The following NBEA variants were observed in gnomAD, a reference collection of about 807,000 sequenced individuals.
NBEA encodes the protein lysosomal-trafficking regulator 2.
Under a neutral mutation model 343.4 loss-of-function variants are expected in NBEA, and 44 were observed. That is an observed-to-expected ratio of 0.13 (90% CI 0.10 to 0.16). The LOEUF (loss-of-function observed/expected upper bound fraction) is 0.16, where lower values mean the gene tolerates loss of function less well. NBEA is among the 10% of genes least tolerant of loss of function. NBEA has a pLI of 1.00. For synonymous variants in NBEA, 1,175 were observed against 1,238.7 expected (o/e 0.95, Z 1.08); for missense variants, 2,555 against 3,631.3 (o/e 0.70, Z 7.62).
At chr13:35,496,972 A>G (rs897175930) in intron 41 of NBEA, among the ~76,000 whole-genome samples, 1 of 152,070 alleles carries the variant, frequency 6.6e-6, no homozygotes, top group Admixed American at 6.6e-5. Context: ...TATCAAATCT[A>G]AAGAACCATG....
intron 46 of NBEA, among the ~76,000 whole-genome samples, chr13:35,586,773 GATA>G (rs2081309928): frequency 6.6e-6 from 1 of 152,084 alleles, no homozygotes; most frequent in African/African-American, 2.4e-5. Flanking sequence ...GTTTCTGGGT[GATA>G]ATAATAATTC....
At chr13:35,663,744 G>A (rs59784156) in intron 55 of NBEA, among the ~76,000 whole-genome samples, 13,803 of 151,964 alleles carry the variant, frequency 0.091, 724 homozygotes, top group South Asian at 0.17. Context: ...ATATAAATAT[G>A]TTTCAGACAA....
rs532951624 is a variant in NBEA at position 35,059,458 on chromosome 13, T to A, written c.1239+595T>A. Among the ~76,000 whole-genome samples the A allele has an allele frequency of 5.3e-5, 8 of 152,046 alleles. No homozygotes were observed. The South Asian group carries it at 1.7e-3, about 31-fold the overall frequency. On this transcript the variant is annotated intron_variant, in intron 8 of 58. Coordinates refer to ENST00000379939, the MANE Select transcript of NBEA (RefSeq NM_001385012.1). ...AGCGTGCACATATATGAGTTAGTTT[T>A]AAGTGTGTAGTACATCTGGCTAGGG...
rs557426003 is a variant in NBEA at position 35,173,700 on chromosome 13, G to C, written c.4554+106G>C. On this transcript the variant is annotated intron_variant, in intron 27 of 58. Coordinates refer to ENST00000379939, the MANE Select transcript of NBEA (RefSeq NM_001385012.1). ...GTATTGCTCAGTGATAGAGAGCAAG[G>C]ACATTGTCATTAGGCAGCTCTAGGC... The C allele has an allele frequency of 1.7e-4, 188 of 1,098,122 alleles. No individual in the cohort carries two copies. In the African/African-American group the frequency reaches 2.9e-3, roughly 17 times the overall value. The allele number at this position is 1,098,122 out of a possible 1,614,324, so 68.0% of individuals were successfully genotyped here. A position where few individuals can be genotyped will look rare whatever the true frequency, so the allele number is the denominator to read the frequency against.
At chr13:35,070,496 T>C (rs1593247216) in intron 9 of NBEA, among the ~76,000 whole-genome samples, 1 of 152,220 alleles carries the variant, frequency 6.6e-6, no homozygotes, top group East Asian at 1.9e-4. Context: ...GATTTTAACT[T>C]AATATTTTTA....
intron 27 of NBEA, among the ~76,000 whole-genome samples, chr13:35,174,545 C>A (rs997003932): frequency 6.6e-6 from 1 of 152,098 alleles, no homozygotes; most frequent in African/African-American, 2.4e-5. Flanking sequence ...AGACTGACCA[C>A]ATATTTATCC....
chr13:35,191,749 G>T (rs1481437307), intron 30 of NBEA, among the ~76,000 whole-genome samples: 2 of 151,826 alleles, frequency 1.3e-5, no homozygotes, highest in African/African-American at 4.8e-5. Context: ...ATAATTTTTA[G>T]TGCTATACTA....
At chr13:35,010,769 T>TATATATATATATATACACACACATATAC (rs1566159335) in intron 1 of NBEA, among the ~76,000 whole-genome samples, 1 of 102,598 alleles carries the variant, frequency 9.7e-6, no homozygotes, top group African/African-American at 4.0e-5. Context: ...TATATATATA[T>TATATATATATATATACACACACATATAC]ATATATATAT....
At chr13:35,259,599 A>G (rs2033021938) in intron 34 of NBEA, among the ~76,000 whole-genome samples, 1 of 152,176 alleles carries the variant, frequency 6.6e-6, no homozygotes, top group Admixed American at 6.5e-5. Flanking sequence ...TCTCACAAAA[A>G]CTTATCAATC....
chr13:35,582,024 C>T (rs557106685), intron 45 of NBEA, among the ~76,000 whole-genome samples: 4 of 152,172 alleles, frequency 2.6e-5, no homozygotes, highest in South Asian at 4.2e-4. Context: ...TGGTGGCTCA[C>T]GCCTATTATC....
chr13:35,075,776 C>A (rs2064086748), intron 10 of NBEA, among the ~76,000 whole-genome samples: 2 of 151,976 alleles, frequency 1.3e-5, no homozygotes, highest in African/African-American at 4.8e-5. Flanking sequence ...GTATTTCATT[C>A]TAATATTCTG....
At chr13:34,948,505 T>C (rs2059255329) in intron 1 of NBEA, among the ~76,000 whole-genome samples, 1 of 152,242 alleles carries the variant, frequency 6.6e-6, no homozygotes, top group East Asian at 1.9e-4. Flanking sequence ...GATTATCTTC[T>C]AACCATTAAA....
At chr13:35,628,610 T>G (rs141755342) in intron 49 of NBEA, among the ~76,000 whole-genome samples, 189 of 152,306 alleles carry the variant, frequency 1.2e-3, no homozygotes, top group African/African-American at 4.4e-3. Flanking sequence ...TGGCTATTCT[T>G]AAAAATAACA....
chr13:35,272,450 A>C (rs1032490682), intron 34 of NBEA, among the ~76,000 whole-genome samples: 2 of 152,184 alleles, frequency 1.3e-5, no homozygotes, highest in African/African-American at 4.8e-5. Flanking sequence ...GCATCAACTA[A>C]CAGGCAAAGT....
At chr13:34,973,056 C>T (rs573570306) in intron 1 of NBEA, among the ~76,000 whole-genome samples, 64 of 152,054 alleles carry the variant, frequency 4.2e-4, no homozygotes, top group African/African-American at 1.4e-3. Context: ...AGGACTGTTG[C>T]GGTTTGCTGG....
chr13:35,178,353 G>A (rs1173172304), intron 28 of NBEA, among the ~76,000 whole-genome samples: 1 of 151,534 alleles, frequency 6.6e-6, no homozygotes, highest in African/African-American at 2.4e-5. Flanking sequence ...CAGGAAATTT[G>A]GCAGCATTAT....
At position 35,277,419 on chromosome 13, in the gene NBEA, C is replaced by G. The variant is rs530160939; in HGVS notation, c.5777-12970C>G. Reference sequence around the variant, plus strand: ...GGTAGATCACTTGAGGTCGGGTGTTCCAGACCAGCCTGACCAACATGGAGA... The same window carrying G: ...GGTAGATCACTTGAGGTCGGGTGTTGCAGACCAGCCTGACCAACATGGAGA... On this transcript the variant is annotated intron_variant, in intron 34 of 58. Coordinates refer to ENST00000379939, the MANE Select transcript of NBEA (RefSeq NM_001385012.1). Among the ~76,000 whole-genome samples the G allele has an allele frequency of 5.3e-5, 8 of 151,630 alleles. No individual in the cohort carries two copies. The South Asian group carries it at 1.7e-3, about 32-fold the overall frequency.
At chr13:35,499,132 A>G (rs2076790996) in intron 41 of NBEA, among the ~76,000 whole-genome samples, 1 of 152,060 alleles carries the variant, frequency 6.6e-6, no homozygotes, top group Non-Finnish European at 1.5e-5. Flanking sequence ...TTTACATTGC[A>G]TTTTACAGCA....
chr13:35,160,715 A>G (rs1337170848), intron 22 of NBEA, among the ~76,000 whole-genome samples: 1 of 152,168 alleles, frequency 6.6e-6, no homozygotes, highest in Non-Finnish European at 1.5e-5. Context: ...AGGAAATGTT[A>G]GTGCTTCAGT....
Sources: gnomAD v4.1 joint callset for allele counts (sites outside exome capture counted in the v4.1 genomes callset) on GRCh38, gnomAD v4.1.1 for gene constraint, MANE v1.5 for transcripts, NCBI Gene and HGNC (gene_info 2026-07-23, HGNC 2026-07-21) for gene names.